NPIPB2: variants seen among roughly 807,000 people sequenced by gnomAD.
The protein encoded by NPIPB2 is nuclear pore complex interacting protein family member B2.
A neutral mutation model predicts 30.8 loss-of-function variants in NPIPB2; 27 were observed. That is an observed-to-expected ratio of 0.88 (90% CI 0.65 to 1.21). The LOEUF is 1.21. Ranked by LOEUF, NPIPB2 falls within the 50% of genes most tolerant of loss-of-function variation. The pLI, the probability that NPIPB2 is intolerant of heterozygous loss-of-function variation, is 0.00. For missense variants in NPIPB2, 440 were observed against 446.2 expected (o/e 0.99, Z 0.13); for synonymous variants, 147 against 162.0 (o/e 0.91, Z 0.70).
At chr16:11,941,517 A>C (rs978273603) in intron 1 of NPIPB2, among the ~76,000 whole-genome samples, 10 of 151,474 alleles carry the variant, frequency 6.6e-5, no homozygotes, top group Admixed American at 5.9e-4. Flanking sequence ...GCGCTGGTGG[A>C]AGGTTTAGCT....
At chr16:11,957,735 C>G (rs1206271395) in intron 1 of NPIPB2, among the ~76,000 whole-genome samples, 1 of 152,214 alleles carries the variant, frequency 6.6e-6, no homozygotes, top group Non-Finnish European at 1.5e-5. Context: ...AACACAGACA[C>G]CCTCTCTGAG....
At chr16:11,975,841 T>C (rs2055285943) in intron 1 of NPIPB2, among the ~76,000 whole-genome samples, 1 of 151,922 alleles carries the variant, frequency 6.6e-6, no homozygotes, top group Admixed American at 6.6e-5. Flanking sequence ...TTCACCCACC[T>C]TGGCCTCCCA....
chr16:11,967,963 C>T, intron 1 of NPIPB2: 4 of 1,186,276 alleles, frequency 3.4e-6, no homozygotes, highest in Non-Finnish European at 3.5e-6. Context: ...TTTTTGTCCT[C>T]TAACTGTGGA....
At chr16:11,967,230 G>A (rs1296161504) in intron 1 of NPIPB2, 1 of 239,164 alleles carries the variant, frequency 4.2e-6, no homozygotes, top group East Asian at 9.5e-5. Context: ...TCAAGCTCCT[G>A]ACCACAAGTG....
intron 1 of NPIPB2, among the ~76,000 whole-genome samples, chr16:11,965,972 A>G (rs1312323633): frequency 6.6e-6 from 1 of 152,082 alleles, no homozygotes; most frequent in Non-Finnish European, 1.5e-5. Flanking sequence ...TTAGCTGGGC[A>G]TGGTGGCACA....
chr16:11,959,904 C>G (rs2055141440), intron 1 of NPIPB2, among the ~76,000 whole-genome samples: 3 of 152,132 alleles, frequency 2.0e-5, no homozygotes, highest in Middle Eastern at 3.4e-3. Context: ...GCCTCCTGAG[C>G]AGCTGGGACC....
intron 1 of NPIPB2, among the ~76,000 whole-genome samples, chr16:11,938,676 T>C (rs1158366480): frequency 4.0e-5 from 6 of 151,882 alleles, no homozygotes; most frequent in Non-Finnish European, 8.8e-5. Flanking sequence ...TGTGTTGAAC[T>C]GCATTCAAAA....
intron 1 of NPIPB2, among the ~76,000 whole-genome samples, chr16:11,950,868 C>A (rs531620561): frequency 6.6e-6 from 1 of 152,224 alleles, no homozygotes; most frequent in South Asian, 2.1e-4. Flanking sequence ...TTCTCAGCAT[C>A]TAACTGAGAA....
At chr16:11,927,999 C>T (rs1206802793) in intron 7 of NPIPB2, 120 bp from the exon 8 acceptor site, 4 of 841,000 alleles carry the variant, frequency 4.8e-6, no homozygotes, top group East Asian at 5.6e-5. Context: ...TTCCATCCTC[C>T]AGGTTTCAAA....
intron 1 of NPIPB2, among the ~76,000 whole-genome samples, chr16:11,972,948 G>T (rs528908672): frequency 6.6e-6 from 1 of 151,786 alleles, no homozygotes; most frequent in Non-Finnish European, 1.5e-5. Flanking sequence ...ATCACCTGAG[G>T]TCAGGAGTTT....
At chr16:11,966,119 T>C in intron 1 of NPIPB2, 1 of 1,422,496 alleles carries the variant, frequency 7.0e-7, no homozygotes, top group Non-Finnish European at 9.5e-7. Context: ...TCAAAATAAA[T>C]AAATAAATAA....
intron 1 of NPIPB2, among the ~76,000 whole-genome samples, chr16:11,971,831 A>G (rs1382223707): frequency 3.3e-5 from 5 of 152,030 alleles, no homozygotes; most frequent in African/African-American, 1.2e-4. Context: ...CAATTGGTTG[A>G]AAGAGTTAAG....
chr16:11,942,190 T>A (rs2150919760), upstream of NPIPB2: 8 of 1,111,954 alleles, frequency 7.2e-6, no homozygotes, highest in Non-Finnish European at 8.8e-6. Flanking sequence ...ACCTGACTTA[T>A]TTTGTTCCAG....
intron 1 of NPIPB2, chr16:11,967,819 A>T: frequency 6.2e-7 from 1 of 1,613,982 alleles, no homozygotes; most frequent in Non-Finnish European, 8.5e-7. Flanking sequence ...AGTGCTACGG[A>T]GATAGAGAAA....
At chr16:11,950,935 T>G (rs1240035001) in intron 1 of NPIPB2, among the ~76,000 whole-genome samples, 1 of 152,096 alleles carries the variant, frequency 6.6e-6, no homozygotes, top group Non-Finnish European at 1.5e-5. Context: ...ACACTCTTCT[T>G]TCTAGTTTTT....
intron 1 of NPIPB2, among the ~76,000 whole-genome samples, chr16:11,958,912 G>A (rs1446921484): frequency 6.6e-6 from 1 of 152,190 alleles, no homozygotes; most frequent in Non-Finnish European, 1.5e-5. Context: ...GAAGATCTGG[G>A]AGTGGGACCA....
intron 4 of NPIPB2, among the ~76,000 whole-genome samples, chr16:11,932,775 CAAAAAAAAAAAAAAAAAAA>C (rs71230716): frequency 2.0e-4 from 1 of 4,930 alleles, no homozygotes; most frequent in African/African-American, 5.9e-4. Context: ...GACTCTGTCT[CAAAAAAAAAAAAAAAAAAA>C]AAAAAAAAAA....
chr16:11,975,426 C>T (rs566090958), intron 1 of NPIPB2, among the ~76,000 whole-genome samples: 118 of 151,940 alleles, frequency 7.8e-4, no homozygotes, highest in East Asian at 1.2e-3. Flanking sequence ...GGATTACAGG[C>T]GTGAGCCACC....
chr16:11,975,140 CCT>C (rs1567482860), intron 1 of NPIPB2, among the ~76,000 whole-genome samples: 3 of 68,158 alleles, frequency 4.4e-5, no homozygotes, highest in African/African-American at 1.2e-4. Flanking sequence ...CAATCCATCA[CCT>C]TTTTTTTTTT....
Sources: allele counts gnomAD v4.1 joint callset (sites outside exome capture counted in the v4.1 genomes callset), GRCh38; gene constraint gnomAD v4.1.1; transcripts MANE v1.5; gene names NCBI Gene and HGNC (gene_info 2026-07-23, HGNC 2026-07-21).